Variants in PEBP4 observed in about 807,000 individuals in gnomAD.
PEBP4 encodes phosphatidylethanolamine binding protein 4, also known as phosphatidylethanolamine-binding protein 4.
A neutral mutation model predicts 23.9 loss-of-function variants in PEBP4; 22 were observed. That is an observed-to-expected ratio of 0.92 (90% CI 0.66 to 1.31). The LOEUF (loss-of-function observed/expected upper bound fraction) is 1.31, where lower values mean the gene tolerates loss of function less well. PEBP4 is among the 40% of genes most tolerant of loss of function. The probability of loss-of-function intolerance (pLI) is 0.00; values close to 1 mark genes in which losing one functional copy is unlikely to be tolerated. For missense variants in PEBP4, 324 were observed against 281.7 expected, an observed-to-expected ratio of 1.15 and a Z score of -1.07; for synonymous variants, 112 against 99.3, an observed-to-expected ratio of 1.13 and a Z score of -0.76.
At chr8:22,915,655 C>T (rs1585341913) in intron 3 of PEBP4, among the ~76,000 whole-genome samples, 1 of 152,234 alleles carries the variant, frequency 6.6e-6, no homozygotes, top group Non-Finnish European at 1.5e-5. Context: ...ATGGCGGCTG[C>T]AGTCCCCTGA....
chr8:22,726,430 T>C (rs1379252489), intron 5 of PEBP4, among the ~76,000 whole-genome samples: 1 of 152,226 alleles, frequency 6.6e-6, no homozygotes, highest in African/African-American at 2.4e-5. Flanking sequence ...ACTGGATTTG[T>C]GCAATGGAGA....
chr8:22,807,095 C>G (rs1218615417), intron 4 of PEBP4, among the ~76,000 whole-genome samples: 1 of 152,212 alleles, frequency 6.6e-6, no homozygotes, highest in Non-Finnish European at 1.5e-5. Context: ...TTTTCCTTCC[C>G]TATTTCTGGA....
chr8:22,717,203 T>TA (rs1243693903), intron 6 of PEBP4, among the ~76,000 whole-genome samples: 19 of 151,620 alleles, frequency 1.3e-4, no homozygotes, highest in Non-Finnish European at 8.8e-5. Flanking sequence ...CCTGGGTAAT[T>TA]AAAAAAAAAT....
intron 4 of PEBP4, among the ~76,000 whole-genome samples, chr8:22,794,413 G>A (rs753916742): frequency 6.6e-6 from 1 of 152,066 alleles, no homozygotes; most frequent in Non-Finnish European, 1.5e-5. Flanking sequence ...AGCTTCCCCA[G>A]TAGCTGGGAC....
intron 4 of PEBP4, among the ~76,000 whole-genome samples, chr8:22,803,294 T>C (rs1349420794): frequency 6.6e-6 from 1 of 152,140 alleles, no homozygotes. Context: ...AAATATCACG[T>C]TCGTATCCCA....
chr8:22,865,693 G>A lies in PEBP4; in HGVS notation c.259-47958C>T, dbSNP rs1807879982. On this transcript the variant is annotated intron_variant, in intron 3 of 6. Transcript: ENST00000256404. This position sits in a 1 kb window ranked among gnomAD's most constrained non-coding sequence, Gnocchi z 6.9. ...GAAGACTCCGTTCCAGCCACCTCCC[G>A]CCGCCCGGATCCCAGAGGAAAGGGG... Among the ~76,000 whole-genome samples, 1 of 152,072 alleles carries A rather than the reference G, an allele frequency of 6.6e-6. No homozygotes were observed. Among genetic ancestry groups the A allele is most frequent in the South Asian group, 2.1e-4 (1 of 4,826 alleles).
rs1804636107 is a variant in PEBP4, at chr8:22,727,175, C to A, written c.403G>T (p.Ala135Ser). Reference protein sequence around the residue: ...KGKIQGQELSAYQAPSPPAHS... With the variant: ...KGKIQGQELSSYQAPSPPAHS... ...AAGGGGTCCCTAGGGTCTTACTCAC[C>A]TGATAACTCCTGGCCCTGAATCTTC... The change falls in exon 5 of 7, where the codon GCC becomes TCC. Residue 135 changes from alanine to serine, a missense_variant and splice_region_variant. By Grantham distance (99) the Ala-to-Ser change is moderately conservative (BLOSUM62 1). Transcript: ENST00000256404. 6.2e-7 allele frequency: 1 copy of A among 1,613,978 alleles called. No individual in the cohort carries two copies.
intron 4 of PEBP4, among the ~76,000 whole-genome samples, chr8:22,785,203 G>A (rs1393073114): frequency 6.6e-6 from 1 of 152,208 alleles, no homozygotes; most frequent in African/African-American, 2.4e-5. Context: ...GAAGCTAGGA[G>A]CAAGGTCAGC....
intron 3 of PEBP4, among the ~76,000 whole-genome samples, chr8:22,850,557 G>C (rs192589191): frequency 4.7e-5 from 6 of 128,728 alleles, no homozygotes; most frequent in Admixed American, 4.4e-4. Context: ...CATGGCAAGC[G>C]TGTGTGTGTG....
intron 4 of PEBP4, among the ~76,000 whole-genome samples, chr8:22,760,986 ACT>A (rs765521920): frequency 5.0e-4 from 76 of 152,128 alleles, no homozygotes; most frequent in African/African-American, 1.5e-3. Context: ...GCACCTTGTG[ACT>A]CTGTCATAGT....
intron 4 of PEBP4, among the ~76,000 whole-genome samples, chr8:22,735,897 G>T (rs1050220177): frequency 6.6e-6 from 1 of 152,234 alleles, no homozygotes; most frequent in Non-Finnish European, 1.5e-5. Context: ...CATGTTCCTT[G>T]TAGAAAAATT....
chr8:22,810,742 G>C (rs1302478769), intron 4 of PEBP4, among the ~76,000 whole-genome samples: 2 of 151,650 alleles, frequency 1.3e-5, no homozygotes, highest in African/African-American at 2.4e-5. Flanking sequence ...GAGAAAGAAA[G>C]AGTGAGTTTT....
chr8:22,848,471 AG>A (rs1807485121), intron 3 of PEBP4, among the ~76,000 whole-genome samples: 1 of 119,318 alleles, frequency 8.4e-6, no homozygotes, highest in African/African-American at 3.6e-5. Flanking sequence ...GGCTCAGAGA[AG>A]GGGAAGTTGT....
intron 4 of PEBP4, among the ~76,000 whole-genome samples, chr8:22,755,440 T>A (rs12682619): frequency 0.19 from 28,695 of 150,310 alleles, 3,100 homozygotes; most frequent in East Asian, 0.51. Flanking sequence ...GGTTCAAGCG[T>A]TTCTCCTGCC....
rs558149033 is a variant in PEBP4, at chr8:22,775,436, C to T, written c.357+42201G>A. ...ACCAATCCCTCCTTTACAACCATGC[C>T]GGGAGGGGTGCGCAGGGGCCCGTGG... On this transcript the variant is annotated intron_variant, in intron 4 of 6. Transcript: ENST00000256404. This position sits in a 1 kb window ranked among gnomAD's most constrained non-coding sequence, Gnocchi z 4.8. Among the ~76,000 whole-genome samples, 74 of 152,064 alleles carry T rather than the reference C, an allele frequency of 4.9e-4. No homozygotes were observed. The highest frequency in any genetic ancestry group is 1.4e-3 in the Admixed American group (21 of 15,286).
At chr8:22,925,378 G>A in intron 2 of PEBP4, 9 of 955,972 alleles carry the variant, frequency 9.4e-6, no homozygotes, top group Non-Finnish European at 1.1e-5. Flanking sequence ...AAGAGCGTGA[G>A]TGTGGAGTCA....
chr8:22,924,820 G>A, intron 2 of PEBP4: 13 of 985,308 alleles, frequency 1.3e-5, no homozygotes, highest in Non-Finnish European at 1.4e-5. Flanking sequence ...GGTTTTGCTG[G>A]TCTTGTCTGG....
At chr8:22,833,418 G>T (rs1205737815) in intron 3 of PEBP4, among the ~76,000 whole-genome samples, 2 of 152,152 alleles carry the variant, frequency 1.3e-5, no homozygotes, top group Non-Finnish European at 2.9e-5. Context: ...TGCAACCTCC[G>T]CCTCAAGGGT....
At chr8:22,804,465 T>A (rs1257504537) in intron 4 of PEBP4, among the ~76,000 whole-genome samples, 1 of 152,062 alleles carries the variant, frequency 6.6e-6, no homozygotes, top group Admixed American at 6.5e-5. Context: ...GCACATTTTT[T>A]CTTTCTTTCT....
Sources: gnomAD v4.1 joint callset for allele counts (sites outside exome capture counted in the v4.1 genomes callset) on GRCh38, gnomAD v4.1.1 for gene constraint, Gnocchi (gnomAD v3.1) non-coding constraint, MANE v1.5 for transcripts, NCBI Gene and HGNC (gene_info 2026-07-23, HGNC 2026-07-21) for gene names.